Variants in DHRS4 observed in about 807,000 individuals in gnomAD.
DHRS4 encodes the protein dehydrogenase/reductase SDR family member 4.
In DHRS4, 20 loss-of-function variants were observed where a neutral mutation model predicts 28.4. The ratio of observed to expected loss-of-function variants is 0.71; its 90% CI spans 0.50 to 1.02. The LOEUF is 1.02. Among genes scored for constraint, DHRS4 ranks in the 50% least tolerant of loss-of-function variants. DHRS4 has a pLI of 0.00. For synonymous variants in DHRS4, 144 were observed against 146.4 expected (o/e 0.98, Z 0.12); for missense variants, 378 against 367.2 (o/e 1.03, Z -0.24).
chr14:23,960,151 C>G, intron 3 of DHRS4, 148 bp downstream of exon 3: 1 of 831,124 alleles, frequency 1.2e-6, no homozygotes, highest in Non-Finnish European at 2.0e-6. Context: ...GCACACCTTG[C>G]AAAGGGCGGG....
chr14:23,965,634 G>T (rs934184252), intron 3 of DHRS4, 128 bp from the exon 4 acceptor site: 15 of 756,318 alleles, frequency 2.0e-5, no homozygotes, highest in Non-Finnish European at 3.0e-5. Context: ...GTAAGATGCA[G>T]GTATATCATC....
chr14:23,961,029 A>C (rs1240074733), intron 3 of DHRS4, among the ~76,000 whole-genome samples: 12 of 151,966 alleles, frequency 7.9e-5, no homozygotes, highest in Non-Finnish European at 1.6e-4. Flanking sequence ...GAACTCACTC[A>C]CTGCCACAGG....
At chr14:23,961,759 C>T (rs1182010044) in intron 3 of DHRS4, among the ~76,000 whole-genome samples, 1 of 112,292 alleles carries the variant, frequency 8.9e-6, no homozygotes, top group African/African-American at 4.6e-5. Flanking sequence ...CTGATCCCCA[C>T]ACCTCAGCCC....
In DHRS4 at chr14:23,965,927, T is replaced by A. The variant is rs1486011811; in HGVS notation, c.480-5T>A. On this transcript the variant is annotated splice_region_variant and splice_polypyrimidine_tract_variant and intron_variant, in intron 4 of 7. Transcript: ENST00000313250. ...GGAAGATGGTCAGCTCTCTTCTTTT[T>A]CCAGAGGCGGCTCAGTGGTGATCGT... is the stretch of plus-strand genomic sequence containing the variant. 1.9e-6 allele frequency: 3 copies of A among 1,608,116 alleles called. No individual in the cohort carries two copies. Among genetic ancestry groups the A allele is most frequent in the Non-Finnish European group, 2.5e-6 (3 of 1,176,616 alleles).
chr14:23,954,972 C>A (rs146356650), intron 1 of DHRS4, 63 bp from the exon 2 acceptor site: 1 of 1,603,774 alleles, frequency 6.2e-7, no homozygotes, highest in Non-Finnish European at 8.5e-7. Context: ...AACTTCAGAG[C>A]TCATACTGTC....
chr14:23,954,984 A>G, intron 1 of DHRS4, 51 bp from the exon 2 acceptor site: 1 of 1,607,456 alleles, frequency 6.2e-7, no homozygotes, highest in East Asian at 2.2e-5. Context: ...CATACTGTCG[A>G]CCTCTTCCCC....
chr14:23,963,084 T>G (rs1326226564), intron 3 of DHRS4, among the ~76,000 whole-genome samples: 6 of 117,918 alleles, frequency 5.1e-5, no homozygotes, highest in Non-Finnish European at 9.8e-5. Flanking sequence ...TATAAACAGA[T>G]GTGCTGTTAT....
chr14:23,961,457 A>G (rs2033409307), intron 3 of DHRS4, among the ~76,000 whole-genome samples: 1 of 125,230 alleles, frequency 8.0e-6, no homozygotes, highest in Non-Finnish European at 1.5e-5. Flanking sequence ...CTACCCAGAG[A>G]TTTGCTGCTA....
Position 23,966,324 on chromosome 14 carries a change from C to A in DHRS4, c.573C>A (p.Gly191=). 1 of 1,614,008 alleles carries A rather than the reference C, an allele frequency of 6.2e-7. No individual in the cohort carries two copies. The highest frequency in any genetic ancestry group is 8.5e-7 in the Non-Finnish European group (1 of 1,180,026). The change falls in exon 6 of 8, where the codon GGC becomes GGA. Residue 191 remains glycine (G), a synonymous_variant. Coordinates refer to ENST00000313250, the MANE Select transcript of DHRS4 (RefSeq NM_021004.4). ...ATGTCAGTAAAACAGCCTTGCTGGGCCTGACCAAGACCCTGGCCATAGAGC... is the reference window on the plus strand; with the variant it reads ...ATGTCAGTAAAACAGCCTTGCTGGGACTGACCAAGACCCTGGCCATAGAGC... ...PYNVSKTALL[G]LTKTLAIELA... is the part of the protein sequence containing the mutation.
At chr14:23,968,726 T>C (rs770075871) in intron 7 of DHRS4, 31 bp from the exon 8 acceptor site, 7 of 1,604,198 alleles carry the variant, frequency 4.4e-6, no homozygotes, top group Non-Finnish European at 6.0e-6. Context: ...GTTTGATTTT[T>C]ACCTCCTTCC....
At chr14:23,955,543 A>C (rs1270466232) in intron 2 of DHRS4, among the ~76,000 whole-genome samples, 1 of 152,150 alleles carries the variant, frequency 6.6e-6, no homozygotes, top group Non-Finnish European at 1.5e-5. Context: ...CCTCTTCTTC[A>C]GCTTATAGAG....
At chr14:23,956,297 T>C (rs1566468946) in intron 2 of DHRS4, among the ~76,000 whole-genome samples, 2 of 152,186 alleles carry the variant, frequency 1.3e-5, no homozygotes, top group Admixed American at 1.3e-4. Context: ...CCATATGACA[T>C]GTAGCAATGT....
At chr14:23,960,074 T>A in intron 3 of DHRS4, 71 bp downstream of exon 3, 1 of 1,434,052 alleles carries the variant, frequency 7.0e-7, no homozygotes, top group African/African-American at 1.4e-5. Context: ...CTCCATCTGC[T>A]TTTAGAATGC....
In DHRS4 at chr14:23,965,972, A is replaced by G; in HGVS notation, c.520A>G (p.Ser174Gly). ...GATCGTGTCTTCCATAGCAGCCTTC[A>G]GTCCATCTCCTGTAAGAACCCTTTT... ...VVIVSSIAAF[S>G]PSPGFSPYNV... Residue 174 changes from serine (S) to glycine (G), a missense_variant, in exon 5 of 8, where the codon AGT becomes GGT. Transcript: ENST00000313250. The G allele has an allele frequency of 6.2e-7, 1 of 1,610,554 alleles. No homozygotes were observed. Among genetic ancestry groups the G allele is most frequent in the Non-Finnish European group, 8.5e-7 (1 of 1,177,810 alleles).
At chr14:23,966,153 A>G (rs2033608386) in intron 5 of DHRS4, 130 bp from the exon 6 acceptor site, 2 of 1,581,270 alleles carry the variant, frequency 1.3e-6, no homozygotes, top group Non-Finnish European at 1.7e-6. Context: ...AGGTTTAGCC[A>G]CAAGACAGTT....
chr14:23,965,830 A>G lies in DHRS4; in HGVS notation c.477A>G (p.Arg159=). 1 of 1,606,924 alleles carries G rather than the reference A, an allele frequency of 6.2e-7. No individual in the cohort carries two copies. The highest frequency in any genetic ancestry group is 8.5e-7 in the Non-Finnish European group (1 of 1,176,254). The change falls in exon 4 of 8, where the codon CGA becomes CGG. Residue 159 remains arginine (R), a splice_region_variant and synonymous_variant. Transcript: ENST00000313250. ...TKAVVPEMEK[R]GGGSVVIVSS... The stretch of plus-strand genomic sequence containing the variant: ...CAGTGGTGCCAGAAATGGAGAAACG[A>G]GGGTACAGAGAGTGAGAGAGAGCCT...
intron 2 of DHRS4, among the ~76,000 whole-genome samples, chr14:23,958,958 C>T (rs533251784): frequency 8.9e-4 from 135 of 152,304 alleles, no homozygotes; most frequent in South Asian, 3.9e-3. Flanking sequence ...CTTAAGGACA[C>T]TGGAATAGAT....
chr14:23,966,030 A>G (rs2033603202), intron 5 of DHRS4, 47 bp downstream of exon 5: 4 of 1,608,078 alleles, frequency 2.5e-6, no homozygotes, highest in Non-Finnish European at 3.4e-6. Context: ...TCCACTCCAC[A>G]TCTTTCCACC....
chr14:23,957,529 A>G (rs115690102), intron 2 of DHRS4, among the ~76,000 whole-genome samples: 1,861 of 151,414 alleles, frequency 0.012, 49 homozygotes, highest in African/African-American at 0.043. Flanking sequence ...GTGATCACAC[A>G]ATTTAGAATA....
Sources: gnomAD v4.1 joint callset for allele counts (sites outside exome capture counted in the v4.1 genomes callset) on GRCh38, gnomAD v4.1.1 for gene constraint, MANE v1.5 for transcripts, NCBI Gene and HGNC (gene_info 2026-07-23, HGNC 2026-07-21) for gene names.